The following PDK3 variants were observed in gnomAD, a reference collection of about 807,000 sequenced individuals.
The protein encoded by PDK3 is pyruvate dehydrogenase kinase 3.
A neutral mutation model predicts 32.0 loss-of-function variants in PDK3; 12 were observed. That is an observed-to-expected ratio of 0.37 (90% CI 0.24 to 0.61). PDK3 has a LOEUF of 0.61. PDK3 is among the 20% of genes least tolerant of loss of function. PDK3 has a pLI of 0.65. For synonymous variants in PDK3, 122 were observed against 116.3 expected, an observed-to-expected ratio of 1.05 and a Z score of -0.31; for missense variants, 188 against 316.9, an observed-to-expected ratio of 0.59 and a Z score of 3.09.
rs748369477 is a variant in PDK3 at position 24,489,708 on chromosome X, A to G, written c.107-5034A>G. On this transcript the variant is annotated intron_variant, in intron 1 of 10. Transcript: ENST00000379162. ...TCAAAAAAAAAAAAAAAAAAGAAAA[A>G]AAAAGAAATCAACAACAAACAAAGA... is the stretch of plus-strand genomic sequence containing the variant. 3.6e-5 allele frequency among the ~76,000 whole-genome samples: 4 copies of G among 110,199 alleles called. No homozygotes were observed. In the South Asian group the frequency reaches 1.5e-3, roughly 42 times the overall value.
chrX:24,498,482 G>A (rs999761249), intron 2 of PDK3, among the ~76,000 whole-genome samples: 1 of 112,266 alleles, frequency 8.9e-6, no homozygotes, highest in Non-Finnish European at 1.9e-5. Flanking sequence ...GTCCTCTAGC[G>A]AGTCTTTTCT....
chrX:24,525,643 G>C (rs1439127929), intron 6 of PDK3, among the ~76,000 whole-genome samples: 1 of 111,954 alleles, frequency 8.9e-6, no homozygotes, highest in African/African-American at 3.2e-5. Context: ...CATGGTGCAA[G>C]GGGAAAAGAT....
chrX:24,506,815 T>TTTTTTTTTTTTTTTTTTTTG (rs1921993135), intron 5 of PDK3, among the ~76,000 whole-genome samples: 1 of 79,601 alleles, frequency 1.3e-5, no homozygotes, highest in African/African-American at 4.7e-5. Context: ...TTTTTTTTTT[T>TTTTTTTTTTTTTTTTTTTTG]TTTTTTTTTT....
intron 5 of PDK3, among the ~76,000 whole-genome samples, chrX:24,518,527 AAG>A (rs1922314410): frequency 9.1e-6 from 1 of 109,904 alleles, no homozygotes. Flanking sequence ...CCTTTAAGAA[AAG>A]AGAGATTGGC....
chrX:24,470,974 G>T (rs1920985415), intron 1 of PDK3, among the ~76,000 whole-genome samples: 1 of 110,559 alleles, frequency 9.0e-6, no homozygotes, highest in African/African-American at 3.3e-5. Context: ...GGTGCTTTCT[G>T]TTCTCACTCA....
chrX:24,539,181 G>A (rs375230657), downstream of PDK3: 52 of 1,081,198 alleles, frequency 4.8e-5, no homozygotes, highest in Non-Finnish European at 5.9e-5. Context: ...GAATGCTGTG[G>A]TCCTCTCTGT....
intron 1 of PDK3, among the ~76,000 whole-genome samples, chrX:24,491,782 C>T (rs1384731572): frequency 9.0e-6 from 1 of 110,681 alleles, no homozygotes; most frequent in Non-Finnish European, 1.9e-5. Context: ...TGGCGAAACC[C>T]CCTCTTTACT....
intron 5 of PDK3, among the ~76,000 whole-genome samples, chrX:24,509,436 A>G (rs935682190): frequency 9.0e-6 from 1 of 111,459 alleles, no homozygotes; most frequent in African/African-American, 3.3e-5. Context: ...GAAGCCCTAT[A>G]CAATAACAGT....
rs1407363644 is a variant in PDK3 at position 24,528,707 on chromosome X, T to C, written c.963+521T>C. Among the ~76,000 whole-genome samples, 3 of 112,445 alleles carry C rather than the reference T, an allele frequency of 2.7e-5. No homozygotes were observed. In the East Asian group the frequency reaches 8.3e-4, roughly 31 times the overall value. ...TTAAATAACATTAGCATGAAACATATAGGTGGTGTATGCATTTTCAGAGCC... is the reference window on the plus strand; with the variant it reads ...TTAAATAACATTAGCATGAAACATACAGGTGGTGTATGCATTTTCAGAGCC... On this transcript the variant is annotated intron_variant, in intron 9 of 10. Coordinates refer to ENST00000379162, the MANE Select transcript of PDK3 (RefSeq NM_005391.5).
chrX:24,469,303 G>C (rs1274217880), intron 1 of PDK3, among the ~76,000 whole-genome samples: 1 of 111,359 alleles, frequency 9.0e-6, no homozygotes, highest in Non-Finnish European at 1.9e-5. Context: ...GGCGAACATT[G>C]TCAAATTGCT....
exon 12 of PDK3, chrX:24,549,327 C>T (rs932573366): frequency 9.0e-6 from 1 of 111,454 alleles, no homozygotes; most frequent in Non-Finnish European, 1.9e-5. Context: ...TGATTTTGAC[C>T]AATGAATTGA....
At chrX:24,481,094 A>G (rs1458148213) in intron 1 of PDK3, among the ~76,000 whole-genome samples, 1 of 103,070 alleles carries the variant, frequency 9.7e-6, no homozygotes, top group Non-Finnish European at 2.0e-5. Context: ...CCCAGGCTGG[A>G]GTGGAGTGGC....
intron 3 of PDK3, among the ~76,000 whole-genome samples, chrX:24,500,253 A>G (rs1184483284): frequency 1.8e-5 from 2 of 112,049 alleles, no homozygotes; most frequent in Admixed American, 9.5e-5. Flanking sequence ...ACAGTCTATC[A>G]ACTGTTTACA....
exon 12 of PDK3, chrX:24,546,774 G>A (rs911783991): frequency 8.9e-6 from 1 of 111,810 alleles, no homozygotes; most frequent in South Asian, 3.8e-4. Flanking sequence ...AGAAGAAGAT[G>A]GGATGTGTTT....
intron 5 of PDK3, among the ~76,000 whole-genome samples, chrX:24,506,597 G>A (rs950017550): frequency 3.6e-5 from 4 of 111,204 alleles, no homozygotes; most frequent in African/African-American, 1.3e-4. Context: ...TGTAGTGCTT[G>A]TGTAGGTGAT....
chrX:24,478,861 G>T (rs1415991915), intron 1 of PDK3, among the ~76,000 whole-genome samples: 2 of 112,087 alleles, frequency 1.8e-5, no homozygotes, highest in African/African-American at 6.5e-5. Flanking sequence ...AGTTGTACCA[G>T]TGTTGCTTTC....
chrX:24,549,043 T>C (rs570295869), exon 12 of PDK3: 2 of 112,136 alleles, frequency 1.8e-5, no homozygotes, highest in African/African-American at 3.2e-5. Context: ...AACCGACTTA[T>C]GCCTTCATTG....
At chrX:24,496,496 G>A (rs1472922171) in intron 2 of PDK3, among the ~76,000 whole-genome samples, 1 of 103,244 alleles carries the variant, frequency 9.7e-6, no homozygotes, top group Non-Finnish European at 1.9e-5. Flanking sequence ...ATTTAACATT[G>A]ATACAGTAAT....
intron 1 of PDK3, among the ~76,000 whole-genome samples, chrX:24,482,797 G>T (rs1050312951): frequency 8.9e-6 from 1 of 112,326 alleles, no homozygotes; most frequent in Admixed American, 9.5e-5. Context: ...TTGTACTCCA[G>T]TCTTAATTTC....
Sources: gnomAD v4.1 joint callset for allele counts (sites outside exome capture counted in the v4.1 genomes callset) on GRCh38, gnomAD v4.1.1 for gene constraint, MANE v1.5 for transcripts, NCBI Gene and HGNC (gene_info 2026-07-23, HGNC 2026-07-21) for gene names.